The following SPOP variants were observed in gnomAD, a reference collection of about 807,000 sequenced individuals.
SPOP encodes speckle-type POZ protein.
Under a neutral mutation model 45.6 loss-of-function variants are expected in SPOP, and 11 were observed. The observed-to-expected ratio is 0.24, with a 90% CI of 0.15 to 0.40. The LOEUF (loss-of-function observed/expected upper bound fraction) is 0.40, where lower values mean the gene tolerates loss of function less well. Ranked by LOEUF, SPOP falls within the 10% of genes least tolerant of loss-of-function variation. The probability of loss-of-function intolerance (pLI) is 1.00; values close to 1 mark genes in which losing one functional copy is unlikely to be tolerated. For synonymous variants in SPOP, 166 were observed against 166.3 expected (o/e 1.00, Z 0.01); for missense variants, 152 against 465.6 (o/e 0.33, Z 6.20).
In SPOP at chr17:49,607,870, A is replaced by C. The variant is rs1161934178; in HGVS notation, c.714+4T>G. On this transcript the variant is annotated splice_donor_region_variant and intron_variant, in intron 7 of 9. Transcript: ENST00000504102. Reference sequence around the variant, plus strand: ...AACAGACATGTCTTCATCTTGTTACATACCTTTTTGCTCTCCTCCATTTCA... The same window carrying C: ...AACAGACATGTCTTCATCTTGTTACCTACCTTTTTGCTCTCCTCCATTTCA... 1 of 1,611,270 alleles carries C rather than the reference A, an allele frequency of 6.2e-7. No individual in the cohort carries two copies. Among genetic ancestry groups the C allele is most frequent in the Non-Finnish European group, 8.5e-7 (1 of 1,178,276 alleles).
At chr17:49,657,295 T>G (rs796568771) in intron 1 of SPOP, among the ~76,000 whole-genome samples, 1 of 152,178 alleles carries the variant, frequency 6.6e-6, no homozygotes, top group Non-Finnish European at 1.5e-5. Flanking sequence ...TAAGGAATAA[T>G]TAGGAAAAAT....
At chr17:49,672,346 A>G (rs1019401516) in intron 1 of SPOP, among the ~76,000 whole-genome samples, 3 of 152,232 alleles carry the variant, frequency 2.0e-5, no homozygotes, top group Non-Finnish European at 4.4e-5. Flanking sequence ...GCACCACTCC[A>G]CAGATAACTT....
intron 1 of SPOP, among the ~76,000 whole-genome samples, chr17:49,648,489 T>A (rs1329863684): frequency 1.3e-5 from 2 of 152,230 alleles, no homozygotes; most frequent in East Asian, 3.8e-4. Context: ...GATATTCACA[T>A]TGCTTCTTGT....
chr17:49,605,569 A>G (rs2071823693), intron 8 of SPOP, among the ~76,000 whole-genome samples: 1 of 152,016 alleles, frequency 6.6e-6, no homozygotes, highest in African/African-American at 2.4e-5. Context: ...GCATGCCTGT[A>G]ATCTCAGCTA....
intron 8 of SPOP, among the ~76,000 whole-genome samples, chr17:49,604,378 A>C (rs914460645): frequency 6.6e-6 from 1 of 152,232 alleles, no homozygotes; most frequent in African/African-American, 2.4e-5. Flanking sequence ...CTTCTTCATC[A>C]GGAGCACTGA....
chr17:49,621,984 A>G lies in SPOP; in HGVS notation c.162T>C (p.Ser54=), dbSNP rs2072229668. The change falls in exon 3 of 10, where the codon AGT becomes AGC. Residue 54 remains serine, a synonymous_variant. Transcript: ENST00000504102. The part of the protein sequence containing the change: ...CREEMGEVIK[S]STFSSGANDK... ...CATTTGCTCCTGATGAAAATGTAGAACTTTTAATGACTTCACCCATTTCCT... is the reference window on the plus strand; with the variant it reads ...CATTTGCTCCTGATGAAAATGTAGAGCTTTTAATGACTTCACCCATTTCCT... 6.2e-7 allele frequency: 1 copy of G among 1,613,920 alleles called. No homozygotes were observed. Among genetic ancestry groups the G allele is most frequent in the Admixed American group, 1.7e-5 (1 of 59,992 alleles).
chr17:49,635,634 T>C (rs964266879), intron 1 of SPOP, among the ~76,000 whole-genome samples: 2 of 145,352 alleles, frequency 1.4e-5, no homozygotes, highest in East Asian at 2.0e-4. Flanking sequence ...GTATCTCTCT[T>C]TTTTTTTTTT....
intron 1 of SPOP, among the ~76,000 whole-genome samples, chr17:49,647,249 G>A (rs2072773444): frequency 7.0e-6 from 1 of 142,298 alleles, no homozygotes; most frequent in Non-Finnish European, 1.5e-5. Flanking sequence ...CAGAGAGGTT[G>A]CAGACAGCCG....
chr17:49,661,402 C>T (rs895835078), intron 1 of SPOP, among the ~76,000 whole-genome samples: 3 of 152,170 alleles, frequency 2.0e-5, no homozygotes, highest in African/African-American at 7.2e-5. Context: ...CCCACCTCCA[C>T]ATTTTCACTC....
At chr17:49,634,902 G>A (rs1479465311) in intron 1 of SPOP, among the ~76,000 whole-genome samples, 1 of 152,150 alleles carries the variant, frequency 6.6e-6, no homozygotes, top group Admixed American at 6.5e-5. Flanking sequence ...AGGGGATTTG[G>A]TCTCCTACAA....
chr17:49,660,311 C>A (rs2072970310), intron 1 of SPOP, among the ~76,000 whole-genome samples: 1 of 152,144 alleles, frequency 6.6e-6, no homozygotes, highest in African/African-American at 2.4e-5. Context: ...CTAGTTCTCT[C>A]CTGCATCTTC....
intron 1 of SPOP, among the ~76,000 whole-genome samples, chr17:49,632,499 T>TC (rs1449251773): frequency 6.6e-6 from 1 of 152,064 alleles, no homozygotes. Flanking sequence ...ATTCTTCTTT[T>TC]TTTTTTTTTC....
At position 49,603,953 on chromosome 17, in the gene SPOP, G is replaced by A. The variant is rs148464008; in HGVS notation, c.838-1946C>T. 6.8e-4 allele frequency among the ~76,000 whole-genome samples: 103 copies of A among 152,282 alleles called. 3 individuals are homozygous for A. In the East Asian group the frequency reaches 0.018, roughly 26 times the overall value. ...AGGTTACCAGTAGGTTTTCTGGCTA[G>A]GGAGCAAGAATGAAAACTAAGGGAC... is the stretch of plus-strand genomic sequence containing the variant. On this transcript the variant is annotated intron_variant, in intron 8 of 9. Coordinates refer to ENST00000504102, the MANE Select transcript of SPOP (RefSeq NM_001007228.2).
chr17:49,648,844 G>A (rs549292490), intron 1 of SPOP, among the ~76,000 whole-genome samples: 82 of 152,110 alleles, frequency 5.4e-4, no homozygotes, highest in South Asian at 1.2e-3. Flanking sequence ...TGCAAGCTCC[G>A]CCTCCCGGGT....
chr17:49,606,394 G>A (rs1443705265), intron 8 of SPOP, among the ~76,000 whole-genome samples: 4 of 151,902 alleles, frequency 2.6e-5, no homozygotes, highest in East Asian at 1.9e-4. Context: ...GGGCTCAAGC[G>A]ATCCTTCCTC....
chr17:49,624,242 T>C (rs2072276476), intron 1 of SPOP, among the ~76,000 whole-genome samples: 2 of 151,990 alleles, frequency 1.3e-5, no homozygotes, highest in African/African-American at 4.8e-5. Context: ...CTATACTTAA[T>C]AATATCGTAT....
At chr17:49,626,556 G>A (rs556318479) in intron 1 of SPOP, among the ~76,000 whole-genome samples, 4 of 152,134 alleles carry the variant, frequency 2.6e-5, no homozygotes, top group South Asian at 2.1e-4. Flanking sequence ...TTAGCCGGGT[G>A]TGATAATGCG....
chr17:49,642,034 A>G (rs1020861559), intron 1 of SPOP, among the ~76,000 whole-genome samples: 3 of 151,908 alleles, frequency 2.0e-5, no homozygotes, highest in Middle Eastern at 3.4e-3. Flanking sequence ...TCAAAAAAAA[A>G]AAAGTGTAAT....
At chr17:49,653,218 T>C (rs904394767) in intron 1 of SPOP, among the ~76,000 whole-genome samples, 3 of 152,272 alleles carry the variant, frequency 2.0e-5, no homozygotes, top group Admixed American at 1.3e-4. Flanking sequence ...TTTCTTCATA[T>C]ATGCATTTTA....
Sources: gnomAD v4.1 joint callset for allele counts (sites outside exome capture counted in the v4.1 genomes callset) on GRCh38, gnomAD v4.1.1 for gene constraint, MANE v1.5 for transcripts, NCBI Gene and HGNC (gene_info 2026-07-23, HGNC 2026-07-21) for gene names.